The following SH3GL2 variants were observed in gnomAD, a reference collection of about 807,000 sequenced individuals.
The protein encoded by SH3GL2 is endophilin-A1.
SH3GL2 carries 24 observed loss-of-function variants against 46.0 expected under a neutral mutation model. The observed-to-expected ratio is 0.52, with a 90% CI of 0.38 to 0.73. SH3GL2 has a LOEUF of 0.73. Among genes scored for constraint, SH3GL2 ranks in the 30% least tolerant of loss-of-function variants. SH3GL2 has a pLI of 0.00. For missense variants in SH3GL2, 413 were observed against 424.2 expected (o/e 0.97, Z 0.23); for synonymous variants, 196 against 147.1 (o/e 1.33, Z -2.40).
Position 17,612,798 on chromosome 9 carries a change from AAACC to A in SH3GL2, c.45+33512_45+33515del, listed in dbSNP as rs139741931. Among the ~76,000 whole-genome samples, 627 of 152,336 alleles carry A rather than the reference AAACC, an allele frequency of 4.1e-3. 8 individuals carry two copies. Among genetic ancestry groups the A allele is most frequent in the African/African-American group, 0.014 (599 of 41,562 alleles). ...TTGGAACGTTTTTACACCTGGAAAG[AAACC>A]CCATACCTATAAGCAGTCACTCACC... On this transcript the variant is annotated intron_variant, in intron 1 of 8. Transcript: ENST00000380607.
chr9:17,713,090 A>C (rs1821671726), intron 1 of SH3GL2, among the ~76,000 whole-genome samples: 1 of 151,134 alleles, frequency 6.6e-6, no homozygotes, highest in South Asian at 2.1e-4. Flanking sequence ...TTTTTAAATC[A>C]AAAGTAGATG....
intron 2 of SH3GL2, among the ~76,000 whole-genome samples, chr9:17,749,808 G>C (rs2045390124): frequency 6.6e-6 from 1 of 152,120 alleles, no homozygotes; most frequent in South Asian, 2.1e-4. Context: ...TTTTACTTTA[G>C]GCAAATACCA....
chr9:17,667,670 C>A (rs997764264), intron 1 of SH3GL2, among the ~76,000 whole-genome samples: 5 of 151,992 alleles, frequency 3.3e-5, no homozygotes, highest in African/African-American at 1.2e-4. Context: ...TTTGCATATA[C>A]CTTGAGGTGG....
intron 1 of SH3GL2, among the ~76,000 whole-genome samples, chr9:17,617,911 CTTGAG>C (rs763795253): frequency 1.3e-5 from 2 of 152,048 alleles, no homozygotes; most frequent in Non-Finnish European, 1.5e-5. Context: ...CAGCTCAAGA[CTTGAG>C]TTGTAAAAAT....
chr9:17,732,378 G>A (rs1294119018), intron 1 of SH3GL2, among the ~76,000 whole-genome samples: 1 of 152,038 alleles, frequency 6.6e-6, no homozygotes, highest in Non-Finnish European at 1.5e-5. Context: ...GTTAAAGGAA[G>A]GATAAGCAGA....
At chr9:17,674,360 G>A (rs141589561) in intron 1 of SH3GL2, among the ~76,000 whole-genome samples, 2 of 152,160 alleles carry the variant, frequency 1.3e-5, no homozygotes, top group East Asian at 3.9e-4. Flanking sequence ...TCCGCCTCAC[G>A]AGTTCAAGCG....
chr9:17,602,279 T>A (rs1164790809), intron 1 of SH3GL2, among the ~76,000 whole-genome samples: 1 of 152,206 alleles, frequency 6.6e-6, no homozygotes, highest in Non-Finnish European at 1.5e-5. Context: ...GCTGCTGGGC[T>A]GTATTGGATT....
chr9:17,632,775 C>CAAT (rs1440308176), intron 1 of SH3GL2, among the ~76,000 whole-genome samples: 34 of 152,202 alleles, frequency 2.2e-4, no homozygotes, highest in Middle Eastern at 6.8e-3. Context: ...TAACACATCC[C>CAAT]GAAGATTTTG....
intron 1 of SH3GL2, among the ~76,000 whole-genome samples, chr9:17,719,485 A>G (rs1451834128): frequency 1.3e-5 from 2 of 152,116 alleles, no homozygotes; most frequent in Non-Finnish European, 2.9e-5. Context: ...TGTCCTTCTC[A>G]GTACCTTTGA....
At chr9:17,707,003 GAC>G (rs1821489137) in intron 1 of SH3GL2, among the ~76,000 whole-genome samples, 1 of 151,974 alleles carries the variant, frequency 6.6e-6, no homozygotes, top group African/African-American at 2.4e-5. Context: ...ATATGCACTT[GAC>G]ATATAAAGCC....
At chr9:17,628,715 T>G (rs1819350342) in intron 1 of SH3GL2, among the ~76,000 whole-genome samples, 1 of 152,050 alleles carries the variant, frequency 6.6e-6, no homozygotes, top group African/African-American at 2.4e-5. Context: ...TCTGGGTAGA[T>G]TTTTTTCTAG....
chr9:17,737,984 T>G (rs1822391512), intron 1 of SH3GL2, among the ~76,000 whole-genome samples: 2 of 152,260 alleles, frequency 1.3e-5, no homozygotes, highest in South Asian at 2.1e-4. Context: ...CAGCCTACTC[T>G]TCTCTCTCAA....
chr9:17,649,813 C>G (rs1819911802), intron 1 of SH3GL2, among the ~76,000 whole-genome samples: 1 of 152,114 alleles, frequency 6.6e-6, no homozygotes, highest in Non-Finnish European at 1.5e-5. Context: ...TGAATTTTGG[C>G]AGATAAACGT....
intron 1 of SH3GL2, among the ~76,000 whole-genome samples, chr9:17,653,016 TC>T (rs1819992348): frequency 2.6e-5 from 4 of 152,194 alleles, no homozygotes. Flanking sequence ...TCATGGGGTT[TC>T]TTCCATTTTA....
intron 1 of SH3GL2, among the ~76,000 whole-genome samples, chr9:17,656,694 A>G (rs1411930532): frequency 6.6e-6 from 1 of 150,938 alleles, no homozygotes; most frequent in Non-Finnish European, 1.5e-5. Context: ...GCTTATTTAA[A>G]AAGAGGCGGA....
chr9:17,767,781 G>A (rs948661048), intron 3 of SH3GL2, among the ~76,000 whole-genome samples: 7 of 152,168 alleles, frequency 4.6e-5, no homozygotes, highest in Admixed American at 1.3e-4. Context: ...GATTACAAAA[G>A]CAGTTGTGAG....
intron 1 of SH3GL2, among the ~76,000 whole-genome samples, chr9:17,736,065 C>A (rs545226311): frequency 6.6e-6 from 1 of 152,010 alleles, no homozygotes; most frequent in Non-Finnish European, 1.5e-5. Context: ...GCAGACCTCA[C>A]GGCATAGGGT....
intron 1 of SH3GL2, among the ~76,000 whole-genome samples, chr9:17,637,952 C>T (rs375072960): frequency 6.6e-6 from 1 of 151,994 alleles, no homozygotes; most frequent in African/African-American, 2.4e-5. Flanking sequence ...GTCAGGAGAT[C>T]GAGACCATCC....
chr9:17,634,850 G>C (rs184742658), intron 1 of SH3GL2, among the ~76,000 whole-genome samples: 2 of 152,316 alleles, frequency 1.3e-5, no homozygotes, highest in Admixed American at 1.3e-4. Flanking sequence ...TTTGGAGCCT[G>C]TGGCAGGGCC....
Sources: gnomAD v4.1 joint callset for allele counts (sites outside exome capture counted in the v4.1 genomes callset) on GRCh38, gnomAD v4.1.1 for gene constraint, MANE v1.5 for transcripts, NCBI Gene and HGNC (gene_info 2026-07-23, HGNC 2026-07-21) for gene names.